PHLDB2: variants seen among roughly 807,000 people sequenced by gnomAD.
PHLDB2 encodes the protein pleckstrin homology-like domain family B member 2.
In PHLDB2, 71 loss-of-function variants were observed where a neutral mutation model predicts 123.6. The observed-to-expected ratio is 0.57, with a 90% CI of 0.47 to 0.70. The LOEUF (loss-of-function observed/expected upper bound fraction) is 0.70. PHLDB2 is among the 30% of genes least tolerant of loss of function. PHLDB2 has a pLI of 0.00. For missense variants in PHLDB2, 1,446 were observed against 1,519.5 expected (o/e 0.95, Z 0.80); for synonymous variants, 547 against 541.6 (o/e 1.01, Z -0.14).
chr3:111,899,717 G>T (rs1467916974), intron 2 of PHLDB2, among the ~76,000 whole-genome samples: 2 of 152,196 alleles, frequency 1.3e-5, no homozygotes, highest in Non-Finnish European at 2.9e-5. Flanking sequence ...GCCAGGCATT[G>T]ACTTCTGTCT....
Position 111,884,904 on chromosome 3 carries a change from ACT to A in PHLDB2, c.832_833del (p.Leu278GlyfsTer16), listed in dbSNP as rs745793493. The A allele has an allele frequency of 1.9e-6, 3 of 1,613,958 alleles. No homozygotes were observed. Among genetic ancestry groups the A allele is most frequent in the Admixed American group, 1.7e-5 (1 of 60,010 alleles). On this transcript the variant is annotated frameshift_variant, in exon 2 of 18. Transcript: ENST00000431670. LOFTEE classifies it high-confidence loss of function. ...ACACCTCTCAGCTTGCCTCCAAGAAACTCTCTGGGCAATTCCAAACGAACAAA... is the reference window on the plus strand; with the variant it reads ...ACACCTCTCAGCTTGCCTCCAAGAAACTCTGGGCAATTCCAAACGAACAAA...
chr3:111,872,862 T>A (rs1204022318), intron 1 of PHLDB2, among the ~76,000 whole-genome samples: 1 of 152,196 alleles, frequency 6.6e-6, no homozygotes, highest in Non-Finnish European at 1.5e-5. Context: ...GAAACAAATA[T>A]ACATATACAT....
At chr3:111,765,984 T>A (rs1488176108) in intron 1 of PHLDB2, among the ~76,000 whole-genome samples, 3 of 152,228 alleles carry the variant, frequency 2.0e-5, no homozygotes, top group Non-Finnish European at 4.4e-5. Flanking sequence ...ACTACCTGTG[T>A]CATCTTTCTC....
chr3:111,820,586 C>T (rs2062323660), intron 1 of PHLDB2, among the ~76,000 whole-genome samples: 6 of 152,178 alleles, frequency 3.9e-5, no homozygotes, highest in Admixed American at 3.9e-4. Context: ...AAGTTCAATC[C>T]ACATAACTTA....
intron 2 of PHLDB2, among the ~76,000 whole-genome samples, chr3:111,889,261 G>A (rs2066342039): frequency 1.3e-5 from 2 of 152,178 alleles, no homozygotes; most frequent in Non-Finnish European, 2.9e-5. Flanking sequence ...GAAAAGATGT[G>A]TAGCTGTTTT....
chr3:111,755,348 A>C (rs1316924883), intron 1 of PHLDB2, among the ~76,000 whole-genome samples: 5 of 146,472 alleles, frequency 3.4e-5, no homozygotes, highest in African/African-American at 5.1e-5. Flanking sequence ...TGGTCTATTC[A>C]GAGATTCAAC....
chr3:111,858,810 C>A (rs1216591184), upstream of PHLDB2, among the ~76,000 whole-genome samples: 3 of 152,082 alleles, frequency 2.0e-5, no homozygotes, highest in African/African-American at 7.2e-5. Context: ...CCTTCATCTG[C>A]GTAACTCTAG....
At chr3:111,891,223 A>G (rs745921146) in intron 2 of PHLDB2, among the ~76,000 whole-genome samples, 2 of 152,162 alleles carry the variant, frequency 1.3e-5, no homozygotes, top group Non-Finnish European at 2.9e-5. Context: ...TGGGCCACAG[A>G]CCAGTAGCGT....
At chr3:111,944,510 T>C (rs757500108) in intron 8 of PHLDB2, among the ~76,000 whole-genome samples, 2 of 152,126 alleles carry the variant, frequency 1.3e-5, no homozygotes, top group Non-Finnish European at 2.9e-5. Context: ...ATGTAAAAGC[T>C]AACACCATAA....
chr3:111,910,651 C>T (rs2067832121), intron 2 of PHLDB2, among the ~76,000 whole-genome samples: 1 of 152,186 alleles, frequency 6.6e-6, no homozygotes, highest in African/African-American at 2.4e-5. Flanking sequence ...GGATTTGGGT[C>T]ATGCAGGTTG....
At position 111,749,558 on chromosome 3, in the gene PHLDB2, A is replaced by G. The variant is rs1163702240; in HGVS notation, c.-49+16855A>G. On this transcript the variant is annotated intron_variant, in intron 1 of 17. Transcript: ENST00000393923. Reference sequence around the variant, plus strand: ...GTGTCCTGGAGGGTAGTGGTGTTAAATTTAATTTGTCAACCTACGTTTAAT... The same window carrying G: ...GTGTCCTGGAGGGTAGTGGTGTTAAGTTTAATTTGTCAACCTACGTTTAAT... 3.9e-5 allele frequency among the ~76,000 whole-genome samples: 6 copies of G among 152,316 alleles called. No individual in the cohort carries two copies. In the East Asian group the frequency reaches 1.2e-3, roughly 29 times the overall value.
At chr3:111,911,861 T>C (rs1395587188) in intron 2 of PHLDB2, 2 of 741,068 alleles carry the variant, frequency 2.7e-6, no homozygotes, top group Non-Finnish European at 4.5e-6. Flanking sequence ...ATTTGAGTAA[T>C]GTATTTAATG....
intron 1 of PHLDB2, among the ~76,000 whole-genome samples, chr3:111,736,774 G>C (rs1324601784): frequency 6.6e-6 from 1 of 152,150 alleles, no homozygotes; most frequent in Non-Finnish European, 1.5e-5. Flanking sequence ...GATTTTCACA[G>C]AGTAATGAAA....
At chr3:111,883,995 A>G in intron 1 of PHLDB2, 69 bp from the exon 2 acceptor site, 1 of 1,389,052 alleles carries the variant, frequency 7.2e-7, no homozygotes, top group South Asian at 1.4e-5. Context: ...GTTCAGATGT[A>G]GGCCTAACAA....
rs147228698 is a variant in PHLDB2, at chr3:111,736,479, T to C, written c.-49+3776T>C. Reference sequence around the variant, plus strand: ...TTCAGATAAGGAACCTGAGACTCAATACAGGTGAATGGCCTTCTCAGTCTC... The same window carrying C: ...TTCAGATAAGGAACCTGAGACTCAACACAGGTGAATGGCCTTCTCAGTCTC... On this transcript the variant is annotated intron_variant, in intron 1 of 17. Transcript: ENST00000393923. 5.0e-3 allele frequency among the ~76,000 whole-genome samples: 756 copies of C among 152,328 alleles called. 25 individuals are homozygous for C. The highest frequency in any genetic ancestry group is 0.044 in the Admixed American group (672 of 15,294).
rs2066072428 is a variant in PHLDB2, at chr3:111,884,338, A to C, written c.261A>C (p.Lys87Asn). 4 of 1,614,040 alleles carry C rather than the reference A, an allele frequency of 2.5e-6. No homozygotes were observed. In the South Asian group the frequency reaches 4.4e-5, roughly 18 times the overall value. Residue 87 changes from lysine to asparagine, a missense_variant, in exon 2 of 18, where the codon AAA (lysine) becomes AAC (asparagine). Around this residue, in one of 3 missense-constraint regions of PHLDB2, gnomAD observed 832 missense variants for 831.9 expected, o/e 1.00. Transcript: ENST00000431670. ...TCAGAAGCAGCCCCTCCTTAGCCAAAATCCAGGGAAGCAAGCAGTTCTCTT... is the reference window on the plus strand; with the variant it reads ...TCAGAAGCAGCCCCTCCTTAGCCAACATCCAGGGAAGCAAGCAGTTCTCTT... ...TSVRSSPSLA[K>N]IQGSKQFSYD...
intron 1 of PHLDB2, among the ~76,000 whole-genome samples, chr3:111,817,252 C>T (rs772982638): frequency 2.0e-5 from 3 of 152,176 alleles, no homozygotes; most frequent in Non-Finnish European, 4.4e-5. Flanking sequence ...GCCCCACCTC[C>T]CAATACTGCA....
intron 1 of PHLDB2, among the ~76,000 whole-genome samples, chr3:111,834,239 A>AT (rs1553737366): frequency 1.2e-5 from 1 of 84,940 alleles, no homozygotes; most frequent in Admixed American, 1.3e-4. Context: ...TTATGTATAT[A>AT]ATAGAATTAT....
intron 2 of PHLDB2, among the ~76,000 whole-genome samples, chr3:111,889,190 A>T (rs754027099): frequency 6.6e-6 from 1 of 152,200 alleles, no homozygotes; most frequent in Non-Finnish European, 1.5e-5. Context: ...ATCATAAAAC[A>T]TTCAAGTTTT....
Sources: allele counts gnomAD v4.1 joint callset (sites outside exome capture counted in the v4.1 genomes callset), GRCh38; gene constraint gnomAD v4.1.1; regional missense constraint gnomAD v4.1.1; transcripts MANE v1.5; gene names NCBI Gene and HGNC (gene_info 2026-07-23, HGNC 2026-07-21).